MGAT4C: variants seen among roughly 807,000 people sequenced by gnomAD.
The protein encoded by MGAT4C is MGAT4 family member C.
MGAT4C carries 19 observed loss-of-function variants against 40.1 expected under a neutral mutation model. That is an observed-to-expected ratio of 0.47 (90% CI 0.33 to 0.70). The LOEUF (loss-of-function observed/expected upper bound fraction) is 0.70, where lower values mean the gene tolerates loss of function less well. Among genes scored for constraint, MGAT4C ranks in the 30% least tolerant of loss-of-function variants. The probability of loss-of-function intolerance (pLI) is 0.02; values close to 1 mark genes in which losing one functional copy is unlikely to be tolerated. For synonymous variants in MGAT4C, 181 were observed against 187.1 expected (o/e 0.97, Z 0.27); for missense variants, 491 against 563.2 (o/e 0.87, Z 1.30).
intron 2 of MGAT4C, among the ~76,000 whole-genome samples, chr12:85,994,125 T>A (rs1592635004): frequency 6.6e-6 from 1 of 152,232 alleles, no homozygotes; most frequent in Non-Finnish European, 1.5e-5. Context: ...GATGGGCCAC[T>A]GCTACCATTA....
intron 1 of MGAT4C, among the ~76,000 whole-genome samples, chr12:86,132,564 A>G (rs1471389601): frequency 6.6e-6 from 1 of 152,064 alleles, no homozygotes; most frequent in African/African-American, 2.4e-5. Flanking sequence ...GATGCCAAGG[A>G]GGGCAGATCA....
At chr12:86,668,784 G>A (rs1283901271) in intron 2 of MGAT4C, among the ~76,000 whole-genome samples, 1 of 152,136 alleles carries the variant, frequency 6.6e-6, no homozygotes, top group Non-Finnish European at 1.5e-5. Flanking sequence ...GTTTCTCCTG[G>A]GTGGTGGACT....
chr12:86,702,543 C>T (rs113403527), intron 2 of MGAT4C, among the ~76,000 whole-genome samples: 6 of 152,110 alleles, frequency 3.9e-5, no homozygotes, highest in African/African-American at 1.4e-4. Context: ...AATCCTATAG[C>T]TCTTAAAAAT....
intron 3 of MGAT4C, among the ~76,000 whole-genome samples, chr12:86,381,100 A>T (rs1955919369): frequency 6.6e-6 from 1 of 152,156 alleles, no homozygotes; most frequent in African/African-American, 2.4e-5. Context: ...ATTAAGAGAA[A>T]GCTCAAAAAG....
chr12:86,671,980 A>G (rs1964265271), intron 2 of MGAT4C, among the ~76,000 whole-genome samples: 1 of 152,152 alleles, frequency 6.6e-6, no homozygotes, highest in Non-Finnish European at 1.5e-5. Context: ...GCTGCAGAAT[A>G]CACATTTTTC....
chr12:86,668,039 A>G (rs929070783), intron 2 of MGAT4C, among the ~76,000 whole-genome samples: 1 of 152,260 alleles, frequency 6.6e-6, no homozygotes, highest in Non-Finnish European at 1.5e-5. Context: ...GGCTTAATTT[A>G]GTGACAAATA....
intron 3 of MGAT4C, among the ~76,000 whole-genome samples, chr12:86,393,490 T>G (rs1185621019): frequency 1.3e-5 from 2 of 152,178 alleles, no homozygotes; most frequent in African/African-American, 4.8e-5. Flanking sequence ...TAAAACACAT[T>G]TAGAAAACTG....
chr12:86,600,317 G>C (rs567831363), intron 2 of MGAT4C, among the ~76,000 whole-genome samples: 1 of 152,254 alleles, frequency 6.6e-6, no homozygotes, highest in African/African-American at 2.4e-5. Flanking sequence ...TTGAGCCTGT[G>C]GGTATAGGTG....
intron 1 of MGAT4C, among the ~76,000 whole-genome samples, chr12:86,766,977 A>G (rs1490550817): frequency 6.6e-6 from 1 of 152,188 alleles, no homozygotes; most frequent in East Asian, 1.9e-4. Flanking sequence ...GCAAGAGCAA[A>G]CACATTCAAA....
At chr12:86,603,397 T>C (rs1961864878) in intron 2 of MGAT4C, among the ~76,000 whole-genome samples, 1 of 126,958 alleles carries the variant, frequency 7.9e-6, no homozygotes, top group Non-Finnish European at 1.6e-5. Context: ...CTATATAATA[T>C]ATATTATATA....
At chr12:86,663,525 A>C (rs1037578812) in intron 2 of MGAT4C, among the ~76,000 whole-genome samples, 4 of 152,138 alleles carry the variant, frequency 2.6e-5, no homozygotes, top group Admixed American at 2.6e-4. Context: ...CAAGGTAAGA[A>C]AAGTTGTTTT....
At chr12:86,456,266 G>T (rs191875530) in intron 2 of MGAT4C, among the ~76,000 whole-genome samples, 167 of 152,032 alleles carry the variant, frequency 1.1e-3, no homozygotes, top group African/African-American at 3.6e-3. Context: ...ATGTTACAGA[G>T]AAATAAGGAT....
At chr12:86,679,096 T>G (rs1254758685) in intron 2 of MGAT4C, among the ~76,000 whole-genome samples, 1 of 152,250 alleles carries the variant, frequency 6.6e-6, no homozygotes, top group East Asian at 1.9e-4. Flanking sequence ...TACCTGTTGT[T>G]TCCTGACTTT....
At position 86,405,123 on chromosome 12, in the gene MGAT4C, AAT is replaced by A. The variant is rs557430975; in HGVS notation, c.-120+30032_-120+30033del. On this transcript the variant is annotated intron_variant, in intron 3 of 7. Transcript: ENST00000548651. ...ATAAAATTGAAGTATTTTAAATGTTAATAGTAACATTTGGACTCCTATTCCAA... is the reference window on the plus strand; with the variant it reads ...ATAAAATTGAAGTATTTTAAATGTTAAGTAACATTTGGACTCCTATTCCAA... 2.1e-3 allele frequency among the ~76,000 whole-genome samples: 323 copies of A among 152,196 alleles called. 1 individual carries two copies. The highest frequency in any genetic ancestry group is 7.2e-3 in the African/African-American group (298 of 41,562).
chr12:86,354,550 A>T (rs1955263598), intron 3 of MGAT4C, among the ~76,000 whole-genome samples: 1 of 152,234 alleles, frequency 6.6e-6, no homozygotes, highest in South Asian at 2.1e-4. Context: ...AGTTATAAGA[A>T]TAAACCACAG....
intron 1 of MGAT4C, among the ~76,000 whole-genome samples, chr12:86,211,492 C>A (rs907904187): frequency 7.0e-6 from 1 of 143,100 alleles, no homozygotes; most frequent in African/African-American, 2.6e-5. Flanking sequence ...GAGGCTGAGG[C>A]GGGAGAATGG....
At chr12:86,079,625 G>T (rs1291801783) in intron 1 of MGAT4C, among the ~76,000 whole-genome samples, 4 of 151,938 alleles carry the variant, frequency 2.6e-5, no homozygotes, top group African/African-American at 9.7e-5. Flanking sequence ...AGGAAAATAG[G>T]AATTTCCCTG....
At chr12:86,254,152 G>T (rs1178497357) in intron 1 of MGAT4C, among the ~76,000 whole-genome samples, 2 of 152,048 alleles carry the variant, frequency 1.3e-5, no homozygotes, top group Middle Eastern at 3.4e-3. Flanking sequence ...GTACTGGGAA[G>T]CCTTCCTAGG....
chr12:86,729,375 A>T (rs1035962790), intron 1 of MGAT4C, among the ~76,000 whole-genome samples: 1 of 152,070 alleles, frequency 6.6e-6, no homozygotes, highest in East Asian at 1.9e-4. Context: ...AAAAATAAAA[A>T]TTTTTAAAAA....
Sources: gnomAD v4.1 joint callset for allele counts (sites outside exome capture counted in the v4.1 genomes callset) on GRCh38, gnomAD v4.1.1 for gene constraint, MANE v1.5 for transcripts, NCBI Gene and HGNC (gene_info 2026-07-23, HGNC 2026-07-21) for gene names.